CACNA1D: variants seen among roughly 807,000 people sequenced by gnomAD.
The protein encoded by CACNA1D is voltage-dependent L-type calcium channel subunit alpha-1D.
CACNA1D carries 55 observed loss-of-function variants against 257.1 expected under a neutral mutation model. The observed-to-expected ratio is 0.21, with a 90% CI of 0.17 to 0.27. The LOEUF (loss-of-function observed/expected upper bound fraction) is 0.27. Ranked by LOEUF, CACNA1D falls within the 10% of genes least tolerant of loss-of-function variation. The probability of loss-of-function intolerance (pLI) is 1.00; values close to 1 mark genes in which losing one functional copy is unlikely to be tolerated. For synonymous variants in CACNA1D, 980 were observed against 1,014.9 expected, an observed-to-expected ratio of 0.97 and a Z score of 0.65; for missense variants, 1,876 against 2,784.0, an observed-to-expected ratio of 0.67 and a Z score of 7.34.
chr3:53,567,163 A>G (rs891436306), intron 3 of CACNA1D, among the ~76,000 whole-genome samples: 1 of 152,240 alleles, frequency 6.6e-6, no homozygotes, highest in South Asian at 2.1e-4. Flanking sequence ...GTGGATGCAT[A>G]GCATGGTGCC....
chr3:53,756,501 C>G (rs983224576), intron 29 of CACNA1D, among the ~76,000 whole-genome samples: 1 of 152,156 alleles, frequency 6.6e-6, no homozygotes, highest in East Asian at 1.9e-4. Context: ...CAAAAGCATC[C>G]GGGAAAAGCA....
Position 53,769,874 on chromosome 3 carries a change from G to A in CACNA1D, c.3871-99G>A, listed in dbSNP as rs1196129308. 4 of 948,472 alleles carry A rather than the reference G, an allele frequency of 4.2e-6. No individual in the cohort carries two copies. In the East Asian group the frequency reaches 9.6e-5, roughly 23 times the overall value. The allele number at this position is 948,472 out of a possible 1,614,324, so 58.8% of individuals were successfully genotyped here. Reference sequence around the variant, plus strand: ...GGAGGGAGCAGGTGTGGTGTCTAAAGATGGGAACCACACATTTTTTTAAAG... The same window carrying A: ...GGAGGGAGCAGGTGTGGTGTCTAAAAATGGGAACCACACATTTTTTTAAAG... On this transcript the variant is annotated intron_variant, in intron 30 of 47. Coordinates refer to ENST00000350061, the MANE Select transcript of CACNA1D (RefSeq NM_001128840.3).
intron 7 of CACNA1D, 31 bp downstream of exon 7, chr3:53,666,566 T>C (rs749816283): frequency 6.3e-7 from 1 of 1,575,936 alleles, no homozygotes; most frequent in African/African-American, 1.4e-5. Context: ...GTTTATGGAG[T>C]GTTCTTTGCT....
intron 3 of CACNA1D, among the ~76,000 whole-genome samples, chr3:53,559,846 G>A (rs1005734788): frequency 2.0e-4 from 31 of 152,182 alleles, no homozygotes; most frequent in African/African-American, 6.5e-4. Context: ...AAGGCCAAGC[G>A]CTTGAAGGTC....
At chr3:53,701,790 T>C (rs1264939804) in intron 8 of CACNA1D, among the ~76,000 whole-genome samples, 1 of 152,236 alleles carries the variant, frequency 6.6e-6, no homozygotes, top group Non-Finnish European at 1.5e-5. Flanking sequence ...TTTGTATATA[T>C]GCATAGTCAG....
At chr3:53,520,849 C>CCTTTCTTT (rs71074924) in intron 3 of CACNA1D, among the ~76,000 whole-genome samples, 8,038 of 132,858 alleles carry the variant, frequency 0.061, 298 homozygotes, top group Non-Finnish European at 0.078. Context: ...TTTGCAAACT[C>CCTTTCTTT]CTTTCTTTCT....
chr3:53,587,687 A>G (rs1309414295), intron 3 of CACNA1D, among the ~76,000 whole-genome samples: 1 of 152,126 alleles, frequency 6.6e-6, no homozygotes, highest in Non-Finnish European at 1.5e-5. Context: ...TCTTTCCCGT[A>G]CTTCTTGAGG....
intron 3 of CACNA1D, among the ~76,000 whole-genome samples, chr3:53,579,879 C>G (rs562311668): frequency 6.6e-6 from 1 of 152,316 alleles, no homozygotes; most frequent in Non-Finnish European, 1.5e-5. Context: ...ATGCAGGCCC[C>G]GGATGCTGTG....
At chr3:53,671,206 T>C (rs955345945) in intron 7 of CACNA1D, among the ~76,000 whole-genome samples, 3 of 152,240 alleles carry the variant, frequency 2.0e-5, no homozygotes, top group Non-Finnish European at 4.4e-5. Flanking sequence ...AGAGCCATTC[T>C]CTGGAACACC....
intron 9 of CACNA1D, among the ~76,000 whole-genome samples, chr3:53,707,985 C>G (rs1334843730): frequency 6.6e-6 from 1 of 152,238 alleles, no homozygotes; most frequent in Non-Finnish European, 1.5e-5. Context: ...GGCAGCCTCT[C>G]TGTCTTCTGC....
intron 20 of CACNA1D, among the ~76,000 whole-genome samples, chr3:53,735,737 C>T (rs537300642): frequency 1.3e-5 from 2 of 152,332 alleles, no homozygotes; most frequent in South Asian, 2.1e-4. Context: ...TCTGCAGGAA[C>T]GGTCAGTGAA....
intron 8 of CACNA1D, among the ~76,000 whole-genome samples, chr3:53,692,627 T>G (rs1027940017): frequency 6.6e-6 from 1 of 152,230 alleles, no homozygotes; most frequent in Non-Finnish European, 1.5e-5. Context: ...CAGCTGCTAA[T>G]TCCTGTGTTC....
chr3:53,565,215 A>C (rs1342794318), intron 3 of CACNA1D, among the ~76,000 whole-genome samples: 1 of 152,160 alleles, frequency 6.6e-6, no homozygotes, highest in Non-Finnish European at 1.5e-5. Flanking sequence ...ATGCCTTTAT[A>C]ATAATTCTTG....
intron 3 of CACNA1D, among the ~76,000 whole-genome samples, chr3:53,605,344 A>T (rs2093495576): frequency 6.6e-6 from 1 of 152,164 alleles, no homozygotes; most frequent in Non-Finnish European, 1.5e-5. Context: ...CTTTCCAGGA[A>T]TGTGTAATTA....
At chr3:53,546,274 G>T (rs2092410469) in intron 3 of CACNA1D, among the ~76,000 whole-genome samples, 1 of 152,128 alleles carries the variant, frequency 6.6e-6, no homozygotes. Flanking sequence ...GGGAGGTGTG[G>T]GCCCTGGGGG....
At chr3:53,568,775 C>G (rs2092893629) in intron 3 of CACNA1D, among the ~76,000 whole-genome samples, 1 of 152,214 alleles carries the variant, frequency 6.6e-6, no homozygotes, top group South Asian at 2.1e-4. Flanking sequence ...GCTACTACCC[C>G]ATTTCTCTTT....
chr3:53,594,017 A>T (rs1399308577), intron 3 of CACNA1D, among the ~76,000 whole-genome samples: 3 of 152,186 alleles, frequency 2.0e-5, no homozygotes, highest in Non-Finnish European at 4.4e-5. Flanking sequence ...AGAAGAAGGA[A>T]CAACAGAAAC....
At chr3:53,810,419 A>G (rs1436494081) in intron 47 of CACNA1D, 121 bp downstream of exon 47, 2 of 935,122 alleles carry the variant, frequency 2.1e-6, no homozygotes, top group African/African-American at 1.6e-5. Context: ...TGCCTCAATC[A>G]GACACTTCTG....
chr3:53,734,502 G>GTGTATA (rs1445732569), intron 19 of CACNA1D, among the ~76,000 whole-genome samples: 1 of 151,904 alleles, frequency 6.6e-6, no homozygotes, highest in Admixed American at 6.6e-5. Context: ...ATACATACAT[G>GTGTATA]TGTATATGTA....
Sources: allele counts gnomAD v4.1 joint callset (sites outside exome capture counted in the v4.1 genomes callset), GRCh38; gene constraint gnomAD v4.1.1; transcripts MANE v1.5; gene names NCBI Gene and HGNC (gene_info 2026-07-23, HGNC 2026-07-21).